ZMAT3: variants seen among roughly 807,000 people sequenced by gnomAD.
ZMAT3 encodes zinc finger matrin-type 3, also known as zinc finger matrin-type protein 3.
A neutral mutation model predicts 32.3 loss-of-function variants in ZMAT3; 17 were observed. That is an observed-to-expected ratio of 0.53 (90% confidence interval 0.36 to 0.79). The LOEUF (loss-of-function observed/expected upper bound fraction) is 0.79, where lower values mean the gene tolerates loss of function less well. ZMAT3 is among the 30% of genes least tolerant of loss of function. The probability of loss-of-function intolerance (pLI) is 0.00; values close to 1 mark genes in which losing one functional copy is unlikely to be tolerated. For missense variants in ZMAT3, 329 were observed against 359.7 expected (o/e 0.91, Z 0.69); for synonymous variants, 120 against 133.1 (o/e 0.90, Z 0.68).
chr3:179,033,703 A>G, intron 2 of ZMAT3, among the ~76,000 whole-genome samples: 1 of 152,222 alleles, frequency 6.6e-6, no homozygotes, highest in East Asian at 1.9e-4. Flanking sequence ...TAATCCAATT[A>G]TTCTTTTAAA....
intron 3 of ZMAT3, among the ~76,000 whole-genome samples, chr3:179,028,401 T>C (rs1256886384): frequency 1.3e-5 from 2 of 152,188 alleles, no homozygotes; most frequent in Non-Finnish European, 2.9e-5. Context: ...ATAGTAGGCA[T>C]TCAGTAAGTA....
chr3:179,071,088 A>G (rs964040676), intron 1 of ZMAT3, among the ~76,000 whole-genome samples: 8 of 151,748 alleles, frequency 5.3e-5, no homozygotes, highest in African/African-American at 1.9e-4. Context: ...GTTAAAAAAA[A>G]TAATAATAAT....
rs1718361761 is a variant in ZMAT3 at position 179,018,047 on chromosome 3, G to A, written c.*6970C>T. On this transcript the variant is annotated 3_prime_UTR_variant, in exon 6 of 6. Coordinates refer to ENST00000311417, the MANE Select transcript of ZMAT3 (RefSeq NM_022470.4). ...CCAGAAAGGTACTCAGGTACCAAAA[G>A]AGGGCAGAACAATGACCAGCCACTC... The A allele has an allele frequency of 6.6e-6, 1 of 152,076 alleles. No homozygotes were observed. Among genetic ancestry groups the A allele is most frequent in the Non-Finnish European group, 1.5e-5 (1 of 68,020 alleles). The allele number at this position is 152,076 out of a possible 1,614,324, so 9.4% of individuals were successfully genotyped here.
intron 2 of ZMAT3, among the ~76,000 whole-genome samples, chr3:179,060,148 C>T (rs1271201231): frequency 6.6e-6 from 1 of 150,556 alleles, no homozygotes; most frequent in African/African-American, 2.4e-5. Flanking sequence ...TTAAATCTTG[C>T]AACTGCAAAA....
intron 2 of ZMAT3, among the ~76,000 whole-genome samples, chr3:179,053,698 T>G (rs981404437): frequency 2.0e-5 from 3 of 152,196 alleles, no homozygotes; most frequent in African/African-American, 7.2e-5. Flanking sequence ...AAGAACACAG[T>G]ATCATTTCTG....
At chr3:179,034,225 T>C (rs1440138827) in intron 2 of ZMAT3, among the ~76,000 whole-genome samples, 1 of 152,172 alleles carries the variant, frequency 6.6e-6, no homozygotes, top group African/African-American at 2.4e-5. Context: ...AGGAGACAGA[T>C]ACCTAAGCAG....
At chr3:179,040,868 G>A (rs1162273243) in intron 2 of ZMAT3, among the ~76,000 whole-genome samples, 3 of 149,492 alleles carry the variant, frequency 2.0e-5, no homozygotes, top group African/African-American at 7.4e-5. Flanking sequence ...CAAAATAAAG[G>A]GATGGAGGAA....
At chr3:179,066,252 A>C in intron 2 of ZMAT3, among the ~76,000 whole-genome samples, 1 of 152,170 alleles carries the variant, frequency 6.6e-6, no homozygotes, top group Non-Finnish European at 1.5e-5. Context: ...AAACCAGAAG[A>C]GGCCTTTAGG....
At position 179,017,617 on chromosome 3, in the gene ZMAT3, T is replaced by A. The variant is rs1369406241; in HGVS notation, c.*7400A>T. ...TAATTACACACAGTTTGGGCTGACA[T>A]TTTTTAGCTATATCCTTTATCAAAG... On this transcript the variant is annotated 3_prime_UTR_variant, in exon 6 of 6. Transcript: ENST00000311417. The A allele has an allele frequency of 6.6e-6, 1 of 152,156 alleles. No individual in the cohort carries two copies. The highest frequency in any genetic ancestry group is 1.9e-4 in the East Asian group (1 of 5,200). The allele number at this position is 152,156 out of a possible 1,614,324, so 9.4% of individuals were successfully genotyped here.
chr3:179,052,830 C>A (rs951919920), intron 2 of ZMAT3, among the ~76,000 whole-genome samples: 1 of 152,094 alleles, frequency 6.6e-6, no homozygotes, highest in Non-Finnish European at 1.5e-5. Flanking sequence ...GAAATAATGG[C>A]ATTTGCAGCA....
chr3:179,060,539 G>C (rs1721103396), intron 2 of ZMAT3, among the ~76,000 whole-genome samples: 1 of 152,150 alleles, frequency 6.6e-6, no homozygotes, highest in East Asian at 1.9e-4. Flanking sequence ...AGCTACTCAG[G>C]TGGCTGAGAC....
intron 2 of ZMAT3, among the ~76,000 whole-genome samples, chr3:179,048,931 C>T (rs1310643813): frequency 3.9e-5 from 6 of 152,102 alleles, no homozygotes; most frequent in South Asian, 2.1e-4. Flanking sequence ...TCAAGAGACT[C>T]GTGATACATA....
Position 179,025,181 on chromosome 3 carries a change from G to C in ZMAT3, c.706C>G (p.Leu236Val). The C allele has an allele frequency of 6.2e-7, 1 of 1,614,222 alleles. No individual in the cohort carries two copies. Among genetic ancestry groups the C allele is most frequent in the Non-Finnish European group, 8.5e-7 (1 of 1,180,038 alleles). The change falls in exon 6 of 6, where the codon CTG (leucine) becomes GTG (valine). Residue 236 changes from leucine (L) to valine (V), a missense_variant. Transcript: ENST00000311417. ...PRSRQRIPRD[L>V]AMCVTPSGQF... ...CCACTTGGAGTAACACACATGGCCA[G>C]ATCACGTGGAATTCTCTGCCGAGAG...
chr3:179,047,254 A>G (rs1447094551), intron 2 of ZMAT3, among the ~76,000 whole-genome samples: 1 of 152,206 alleles, frequency 6.6e-6, no homozygotes, highest in Non-Finnish European at 1.5e-5. Context: ...CAGAAGAAAA[A>G]TAACAATTAT....
At chr3:179,045,455 T>G (rs1320490533) in intron 2 of ZMAT3, among the ~76,000 whole-genome samples, 1 of 152,142 alleles carries the variant, frequency 6.6e-6, no homozygotes, top group African/African-American at 2.4e-5. Context: ...GTAGTGAAAG[T>G]AAACACTCTA....
chr3:179,035,185 A>G (rs567388650), intron 2 of ZMAT3, among the ~76,000 whole-genome samples: 45 of 152,142 alleles, frequency 3.0e-4, no homozygotes, highest in Middle Eastern at 6.8e-3. Context: ...AATCTCACCT[A>G]TAAGGCCCTA....
At chr3:179,067,165 T>C (rs967409566) in intron 2 of ZMAT3, among the ~76,000 whole-genome samples, 2 of 152,174 alleles carry the variant, frequency 1.3e-5, no homozygotes, top group African/African-American at 4.8e-5. Flanking sequence ...GGCTGGTAAA[T>C]AGTGGTTTAA....
intron 2 of ZMAT3, among the ~76,000 whole-genome samples, chr3:179,038,650 G>A (rs1719736349): frequency 6.6e-6 from 1 of 152,212 alleles, no homozygotes; most frequent in Non-Finnish European, 1.5e-5. Flanking sequence ...GATCAATGCA[G>A]CAGACGGGTG....
At chr3:179,035,877 G>A (rs181670280) in intron 2 of ZMAT3, among the ~76,000 whole-genome samples, 1 of 152,190 alleles carries the variant, frequency 6.6e-6, no homozygotes, top group Admixed American at 6.5e-5. Context: ...CTTTTTAAAT[G>A]AGCAAATGTT....
Sources: gnomAD v4.1 joint callset for allele counts (sites outside exome capture counted in the v4.1 genomes callset) on GRCh38, gnomAD v4.1.1 for gene constraint, MANE v1.5 for transcripts, NCBI Gene and HGNC (gene_info 2026-07-23, HGNC 2026-07-21) for gene names.